ESRRG: variants seen among roughly 807,000 people sequenced by gnomAD.
ESRRG encodes the protein estrogen-related receptor gamma.
Under a neutral mutation model 44.0 loss-of-function variants are expected in ESRRG, and 13 were observed. The observed-to-expected ratio is 0.30, with a 90% CI of 0.19 to 0.47. The LOEUF is 0.47. Ranked by LOEUF, ESRRG falls within the 20% of genes least tolerant of loss-of-function variation. The pLI, the probability that ESRRG is intolerant of heterozygous loss-of-function variation, is 1.00. For synonymous variants in ESRRG, 215 were observed against 214.6 expected, an observed-to-expected ratio of 1.00 and a Z score of -0.02; for missense variants, 395 against 580.6, an observed-to-expected ratio of 0.68 and a Z score of 3.29.
At chr1:217,094,162 G>A (rs1443111203), upstream of ESRRG, among the ~76,000 whole-genome samples, 1 of 152,142 alleles carries the variant, frequency 6.6e-6, no homozygotes, top group East Asian at 1.9e-4. Flanking sequence ...TGGGATTACA[G>A]GCATGAGCCA....
At chr1:216,518,726 T>C (rs562805351) in intron 6 of ESRRG, among the ~76,000 whole-genome samples, 45 of 152,254 alleles carry the variant, frequency 3.0e-4, no homozygotes, top group African/African-American at 1.1e-3. Context: ...TAACCAAAAC[T>C]CAAAGCAACA....
intron 2 of ESRRG, among the ~76,000 whole-genome samples, chr1:216,903,842 CAA>C (rs2059376746): frequency 6.6e-6 from 1 of 152,078 alleles, no homozygotes; most frequent in Non-Finnish European, 1.5e-5. Flanking sequence ...GTTAAAAAGA[CAA>C]GAGGTAACTC....
chr1:216,651,129 G>A, intron 2 of ESRRG, 40 bp from the exon 3 acceptor site: 1 of 1,309,592 alleles, frequency 7.6e-7, no homozygotes, highest in Non-Finnish European at 1.1e-6. Context: ...ATATTTACAA[G>A]ATCCAGGAAA....
chr1:216,730,832 G>C (rs988411836), intron 2 of ESRRG, among the ~76,000 whole-genome samples: 1 of 152,084 alleles, frequency 6.6e-6, no homozygotes, highest in Non-Finnish European at 1.5e-5. Context: ...AAGGATTGAA[G>C]ACAAGGCCTG....
In ESRRG at chr1:216,563,549, T is replaced by C. The variant is rs2059159710; in HGVS notation, c.862+670A>G. Among the ~76,000 whole-genome samples, 6 of 151,954 alleles carry C rather than the reference T, an allele frequency of 3.9e-5. No homozygotes were observed. The South Asian group carries it at 1.0e-3, about 26-fold the overall frequency. ...TTTATAAACTATCTGAAAATTCAAC[T>C]CCAAACAAATAAAAAATAATTCAAG... is the stretch of plus-strand genomic sequence containing the variant. On this transcript the variant is annotated intron_variant, in intron 5 of 6. Coordinates refer to ENST00000408911, the MANE Select transcript of ESRRG (RefSeq NM_001438.4).
intron 1 of ESRRG, among the ~76,000 whole-genome samples, chr1:216,987,363 A>G (rs1246330137): frequency 6.6e-6 from 1 of 152,216 alleles, no homozygotes; most frequent in Non-Finnish European, 1.5e-5. Flanking sequence ...CAGGGACTCC[A>G]AGGGGAGAAC....
chr1:216,594,788 A>C (rs2058198583), intron 3 of ESRRG, among the ~76,000 whole-genome samples: 1 of 152,252 alleles, frequency 6.6e-6, no homozygotes, highest in African/African-American at 2.4e-5. Context: ...GCAGTCACTC[A>C]GTAAATATTA....
intron 2 of ESRRG, among the ~76,000 whole-genome samples, chr1:216,818,337 C>T (rs749379853): frequency 1.4e-4 from 21 of 152,184 alleles, no homozygotes; most frequent in Non-Finnish European, 2.4e-4. Flanking sequence ...CTCACCTTCC[C>T]TTGCAGGGAG....
At chr1:216,873,342 G>T (rs61818563) in intron 2 of ESRRG, among the ~76,000 whole-genome samples, 4,087 of 150,550 alleles carry the variant, frequency 0.027, 70 homozygotes, top group Middle Eastern at 0.059. Context: ...CTCCTGAGTA[G>T]CTGGGATTAC....
chr1:217,001,889 A>G (rs1008248249), intron 1 of ESRRG, among the ~76,000 whole-genome samples: 7 of 152,242 alleles, frequency 4.6e-5, no homozygotes, highest in Non-Finnish European at 7.3e-5. Context: ...TTGTACATCA[A>G]AAGTGAAAGG....
At chr1:216,721,209 A>G (rs922223008) in intron 1 of ESRRG, among the ~76,000 whole-genome samples, 7 of 152,236 alleles carry the variant, frequency 4.6e-5, no homozygotes, top group Admixed American at 3.9e-4. Context: ...ATGGTGGTCA[A>G]TAAATGGTAT....
intron 2 of ESRRG, among the ~76,000 whole-genome samples, chr1:216,796,789 G>A (rs777139350): frequency 1.1e-4 from 17 of 151,246 alleles, no homozygotes; most frequent in Non-Finnish European, 2.4e-4. Context: ...AAACTTCTTG[G>A]TTGATCTTCC....
intron 2 of ESRRG, among the ~76,000 whole-genome samples, chr1:216,798,780 A>G (rs1290672125): frequency 2.0e-5 from 3 of 152,114 alleles, no homozygotes; most frequent in Non-Finnish European, 4.4e-5. Flanking sequence ...ACACTCTCTT[A>G]CCTTAGTTTC....
chr1:216,514,060 T>C (rs763337937), intron 6 of ESRRG, among the ~76,000 whole-genome samples: 6 of 152,134 alleles, frequency 3.9e-5, no homozygotes, highest in Non-Finnish European at 8.8e-5. Context: ...GTAAATACCT[T>C]TGGAAGGCCA....
chr1:217,128,643 C>T (rs2092921627), intron 1 of ESRRG, among the ~76,000 whole-genome samples: 1 of 152,144 alleles, frequency 6.6e-6, no homozygotes, highest in African/African-American at 2.4e-5. Context: ...CATTCATAGG[C>T]TAGACACCTT....
intron 2 of ESRRG, among the ~76,000 whole-genome samples, chr1:216,772,197 C>T (rs552757065): frequency 2.7e-4 from 41 of 152,234 alleles, no homozygotes; most frequent in Middle Eastern, 6.8e-3. Flanking sequence ...CACAGCTACA[C>T]GTTGTTCACA....
Position 216,803,187 on chromosome 1 carries a change from A to G in ESRRG, c.-13-125696T>C, listed in dbSNP as rs144116864. 4.8e-3 allele frequency among the ~76,000 whole-genome samples: 729 copies of G among 152,260 alleles called. 8 individuals are homozygous for G. Among genetic ancestry groups the G allele is most frequent in the African/African-American group, 0.017 (702 of 41,556 alleles). On this transcript the variant is annotated intron_variant, in intron 2 of 7. Coordinates refer to the ESRRG transcript ENST00000359162. The stretch of plus-strand genomic sequence containing the variant: ...TGTGGAGGGAACGGAATGCTGGCAC[A>G]CTCAGAAATGTCCCTTTTCAATACA...
intron 1 of ESRRG, among the ~76,000 whole-genome samples, chr1:217,098,346 C>T (rs968147058): frequency 2.0e-5 from 3 of 152,218 alleles, no homozygotes; most frequent in African/African-American, 7.2e-5. Flanking sequence ...TTAGAAAGTG[C>T]TTTAACACCT....
At chr1:216,989,497 C>T (rs2075366930) in intron 1 of ESRRG, among the ~76,000 whole-genome samples, 1 of 151,436 alleles carries the variant, frequency 6.6e-6, no homozygotes, top group Admixed American at 6.6e-5. Context: ...CAAGTTTTCT[C>T]CAGTTGAAAT....
Sources: allele counts gnomAD v4.1 joint callset (sites outside exome capture counted in the v4.1 genomes callset), GRCh38; gene constraint gnomAD v4.1.1; transcripts MANE v1.5; gene names NCBI Gene and HGNC (gene_info 2026-07-23, HGNC 2026-07-21).